FMN1: variants seen among roughly 807,000 people sequenced by gnomAD.
FMN1 encodes formin 1.
In FMN1, 110 loss-of-function variants were observed where a neutral mutation model predicts 132.4. The observed-to-expected ratio is 0.83, with a 90% CI of 0.71 to 0.97. FMN1 has a LOEUF of 0.97. Among genes scored for constraint, FMN1 ranks in the 50% least tolerant of loss-of-function variants. The probability of loss-of-function intolerance (pLI) is 0.00; values close to 1 mark genes in which losing one functional copy is unlikely to be tolerated. For synonymous variants in FMN1, 722 were observed against 651.7 expected (o/e 1.11, Z -1.64); for missense variants, 1,792 against 1,705.3 (o/e 1.05, Z -0.90).
intron 4 of FMN1, among the ~76,000 whole-genome samples, chr15:33,140,485 T>C (rs755097568): frequency 2.6e-5 from 4 of 152,172 alleles, no homozygotes; most frequent in African/African-American, 4.8e-5. Flanking sequence ...CCCCATCCGA[T>C]GTTGATTCAC....
intron 6 of FMN1, among the ~76,000 whole-genome samples, chr15:33,031,063 A>T (rs1011654815): frequency 1.4e-5 from 2 of 145,740 alleles, no homozygotes; most frequent in African/African-American, 5.0e-5. Context: ...CTGTGTGGGA[A>T]TTATTATTAT....
At chr15:33,020,887 T>C (rs1266954102) in intron 6 of FMN1, among the ~76,000 whole-genome samples, 1 of 152,252 alleles carries the variant, frequency 6.6e-6, no homozygotes, top group African/African-American at 2.4e-5. Context: ...TTGATCATTT[T>C]ATATATGTTA....
intron 7 of FMN1, 51 bp from the exon 8 acceptor site, chr15:32,969,528 CTT>C: frequency 1.3e-6 from 2 of 1,572,682 alleles, no homozygotes; most frequent in Non-Finnish European, 1.7e-6. Context: ...TAAGAACAAA[CTT>C]AAGAATTTAG....
rs533640162 is a variant in FMN1, at chr15:33,104,828, T to C, written c.1868-15854A>G. On this transcript the variant is annotated intron_variant, in intron 4 of 20. Coordinates refer to ENST00000616417, the MANE Select transcript of FMN1 (RefSeq NM_001277313.2). The stretch of plus-strand genomic sequence containing the variant: ...TAAAGGGATTTGACACTACTTGCTT[T>C]GCAGAAATTAAAATATATCATTTCT... Among the ~76,000 whole-genome samples, 5 of 152,182 alleles carry C rather than the reference T, an allele frequency of 3.3e-5. 1 individual carries two copies. Among genetic ancestry groups the C allele is most frequent in the Non-Finnish European group, 7.4e-5 (5 of 68,022 alleles).
chr15:33,038,223 G>A (rs966787279), intron 6 of FMN1, among the ~76,000 whole-genome samples: 9 of 152,146 alleles, frequency 5.9e-5, no homozygotes, highest in South Asian at 4.1e-4. Flanking sequence ...GTGAGACTCC[G>A]CCTCAAACAG....
At position 33,061,030 on chromosome 15, in the gene FMN1, G is replaced by A. The variant is rs147714044; in HGVS notation, c.2161+3927C>T. The stretch of plus-strand genomic sequence containing the variant: ...AAGCCCAGCTTTCGGTTGAGTGTTC[G>A]GAACAGGTTCTCCCTCTGAACTTCC... On this transcript the variant is annotated intron_variant, in intron 6 of 20. Coordinates refer to ENST00000616417, the MANE Select transcript of FMN1 (RefSeq NM_001277313.2). Among the ~76,000 whole-genome samples the A allele has an allele frequency of 6.6e-5, 10 of 152,294 alleles. 1 individual carries two copies. The highest frequency in any genetic ancestry group is 5.8e-4 in the East Asian group (3 of 5,190).
intron 19 of FMN1, among the ~76,000 whole-genome samples, chr15:32,793,956 C>G (rs2057183326): frequency 6.6e-6 from 1 of 152,188 alleles, no homozygotes; most frequent in African/African-American, 2.4e-5. Context: ...ACACTGCAGT[C>G]AGTGGCTTGT....
At chr15:32,980,712 GTC>G (rs901518117) in intron 7 of FMN1, among the ~76,000 whole-genome samples, 2 of 152,096 alleles carry the variant, frequency 1.3e-5, no homozygotes, top group Non-Finnish European at 2.9e-5. Context: ...ATTATAACTG[GTC>G]TATTTTCCTT....
chr15:32,849,824 T>G (rs1463630852), intron 17 of FMN1, among the ~76,000 whole-genome samples: 1 of 152,092 alleles, frequency 6.6e-6, no homozygotes, highest in African/African-American at 2.4e-5. Context: ...GTCCGGCTAA[T>G]TTTTGTATTT....
chr15:32,916,514 T>C (rs2060688014), intron 10 of FMN1, among the ~76,000 whole-genome samples: 2 of 152,348 alleles, frequency 1.3e-5, no homozygotes, highest in African/African-American at 4.8e-5. Flanking sequence ...TTAGCCAAAG[T>C]AAATCTGGTC....
intron 9 of FMN1, among the ~76,000 whole-genome samples, chr15:32,933,470 T>G (rs2061174995): frequency 2.8e-5 from 4 of 143,424 alleles, no homozygotes; most frequent in Admixed American, 2.7e-4. Flanking sequence ...TGGAATGGTC[T>G]ATTTCCATTA....
intron 17 of FMN1, among the ~76,000 whole-genome samples, chr15:32,819,369 T>C (rs2058146304): frequency 6.6e-6 from 1 of 152,216 alleles, no homozygotes; most frequent in African/African-American, 2.4e-5. Context: ...TAATTCCCTA[T>C]GGATTTATAT....
chr15:32,858,180 T>C (rs2059180354), intron 16 of FMN1, among the ~76,000 whole-genome samples: 1 of 152,198 alleles, frequency 6.6e-6, no homozygotes, highest in African/African-American at 2.4e-5. Context: ...AGATCTTTAT[T>C]TACATTGGGA....
chr15:33,014,421 T>C (rs1049005105), intron 6 of FMN1, among the ~76,000 whole-genome samples: 4 of 152,160 alleles, frequency 2.6e-5, no homozygotes, highest in South Asian at 4.1e-4. Context: ...TGGGACCTTA[T>C]AAGTGTGTGA....
At chr15:32,957,932 T>C (rs929502643) in intron 9 of FMN1, among the ~76,000 whole-genome samples, 6 of 152,170 alleles carry the variant, frequency 3.9e-5, no homozygotes, top group Non-Finnish European at 7.4e-5. Flanking sequence ...GTTACTGCCA[T>C]GTTTGTCGTG....
chr15:33,112,865 G>C lies in FMN1; in HGVS notation c.1868-23891C>G, dbSNP rs576682422. 3.3e-5 allele frequency among the ~76,000 whole-genome samples: 5 copies of C among 152,154 alleles called. 1 individual carries two copies. Among genetic ancestry groups the C allele is most frequent in the Admixed American group, 6.6e-5 (1 of 15,264 alleles). On this transcript the variant is annotated intron_variant, in intron 4 of 20. Coordinates refer to ENST00000616417, the MANE Select transcript of FMN1 (RefSeq NM_001277313.2). ...TTATCCAAATGTCAAGGCCTACACA[G>C]CTACTGGGTTTATATCGTCAGAAAG...
At chr15:33,012,942 G>A (rs2034813826) in intron 6 of FMN1, 2 of 494,742 alleles carry the variant, frequency 4.0e-6, no homozygotes, top group Non-Finnish European at 7.9e-6. Flanking sequence ...TTTGATCCAT[G>A]AAGGGAAAAA....
At chr15:33,066,471 C>T in intron 5 of FMN1, 2 of 1,422,762 alleles carry the variant, frequency 1.4e-6, no homozygotes, top group Non-Finnish European at 1.9e-6. Context: ...TACAGCAGCA[C>T]CATATTTTAT....
chr15:32,799,097 T>G, intron 18 of FMN1, 144 bp from the exon 19 acceptor site: 2 of 661,338 alleles, frequency 3.0e-6, no homozygotes, highest in Non-Finnish European at 5.1e-6. Flanking sequence ...TTACTGAAGT[T>G]TATTGTAAAC....
Sources: allele counts gnomAD v4.1 joint callset (sites outside exome capture counted in the v4.1 genomes callset), GRCh38; gene constraint gnomAD v4.1.1; transcripts MANE v1.5; gene names NCBI Gene and HGNC (gene_info 2026-07-23, HGNC 2026-07-21).